SORBS3: variants seen among roughly 807,000 people sequenced by gnomAD.
SORBS3 encodes the protein vinexin.
A neutral mutation model predicts 98.0 loss-of-function variants in SORBS3; 69 were observed. The observed-to-expected ratio is 0.70, with a 90% CI of 0.58 to 0.86. The LOEUF is 0.86. SORBS3 is among the 40% of genes least tolerant of loss of function. SORBS3 has a pLI of 0.00. For synonymous variants in SORBS3, 394 were observed against 355.4 expected, an observed-to-expected ratio of 1.11 and a Z score of -1.22; for missense variants, 954 against 908.5, an observed-to-expected ratio of 1.05 and a Z score of -0.64.
intron 10 of SORBS3, chr8:22,564,776 A>G: frequency 2.9e-6 from 4 of 1,369,294 alleles, no homozygotes; most frequent in Non-Finnish European, 3.8e-6. Context: ...TGGGATTATC[A>G]GGAAATATTC....
intron 3 of SORBS3, among the ~76,000 whole-genome samples, chr8:22,556,206 G>A (rs1365270809): frequency 6.6e-6 from 1 of 152,216 alleles, no homozygotes; most frequent in East Asian, 1.9e-4. Flanking sequence ...TCTCGACTGT[G>A]TGCCAGGCAC....
At chr8:22,558,094 G>C (rs1411004604) in intron 4 of SORBS3, 35 bp from the exon 5 acceptor site, 1 of 1,608,526 alleles carries the variant, frequency 6.2e-7, no homozygotes, top group African/African-American at 1.3e-5. Context: ...GGGTGAATAA[G>C]CAGGGAGGAC....
At chr8:22,564,398 C>T (rs1184124760) in intron 9 of SORBS3, 29 bp downstream of exon 9, 16 of 1,612,518 alleles carry the variant, frequency 9.9e-6, no homozygotes, top group Non-Finnish European at 1.3e-5. Context: ...TCGGGGTGTG[C>T]ACGCACCCTC....
intron 20 of SORBS3, 38 bp downstream of exon 20, chr8:22,572,484 C>T: frequency 1.3e-6 from 2 of 1,503,258 alleles, no homozygotes; most frequent in Non-Finnish European, 1.9e-6. Context: ...CTCAGGGCCC[C>T]AGGGGATGTG....
At chr8:22,557,844 C>T (rs1032893169) in intron 4 of SORBS3, among the ~76,000 whole-genome samples, 2 of 152,114 alleles carry the variant, frequency 1.3e-5, no homozygotes, top group Admixed American at 1.3e-4. Flanking sequence ...TGTAGAAACA[C>T]TAGACATAAA....
At chr8:22,568,939 T>C (rs1418905217) in intron 16 of SORBS3, among the ~76,000 whole-genome samples, 1 of 152,252 alleles carries the variant, frequency 6.6e-6, no homozygotes, top group Non-Finnish European at 1.5e-5. Context: ...AAAATTCTTC[T>C]TCCAGGGAGC....
chr8:22,564,790 G>A, intron 10 of SORBS3: 1 of 1,359,810 alleles, frequency 7.4e-7, no homozygotes, highest in South Asian at 1.6e-5. Context: ...AATATTCTTG[G>A]AGGTGGAGCT....
At chr8:22,553,226 G>A (rs1363355809) in intron 1 of SORBS3, among the ~76,000 whole-genome samples, 1 of 152,054 alleles carries the variant, frequency 6.6e-6, no homozygotes, top group Non-Finnish European at 1.5e-5. Context: ...TCCCTCCGGT[G>A]GTCCCCCCAG....
In SORBS3 at chr8:22,567,104, G is replaced by T; in HGVS notation, c.1234G>T (p.Glu412Ter). 1 of 1,613,646 alleles carries T rather than the reference G, an allele frequency of 6.2e-7. No individual in the cohort carries two copies. Among genetic ancestry groups the T allele is most frequent in the Non-Finnish European group, 8.5e-7 (1 of 1,179,884 alleles). ...QKGDIVYIHK[E>*]VDKNWLEGEH... is the part of the protein sequence containing the mutation. ...GGGTGACATTGTCTACATCCACAAG[G>T]AGGTGGACAAGAACTGGCTGGAGGG... is the stretch of plus-strand genomic sequence containing the variant. The change falls in exon 16 of 21, where the codon GAG becomes TAG. Residue 412 changes from glutamate (E) to a stop codon, truncating the protein, a stop_gained. Transcript: ENST00000240123. LOFTEE classifies it high-confidence loss of function.
intron 20 of SORBS3, among the ~76,000 whole-genome samples, chr8:22,572,895 T>C (rs1228192513): frequency 5.3e-5 from 8 of 152,200 alleles, no homozygotes; most frequent in Non-Finnish European, 1.0e-4. Context: ...CAAGGGCAGC[T>C]CTGACCAAGG....
chr8:22,569,305 G>C, intron 17 of SORBS3, 32 bp downstream of exon 17: 1 of 1,550,616 alleles, frequency 6.4e-7, no homozygotes. Context: ...GGGGTGGGTG[G>C]GGGCAGGTGA....
chr8:22,555,867 A>C (rs1404952935), intron 3 of SORBS3, among the ~76,000 whole-genome samples: 1 of 152,176 alleles, frequency 6.6e-6, no homozygotes, highest in Non-Finnish European at 1.5e-5. Context: ...AAACAAAAAC[A>C]AAACAAAACC....
At position 22,566,365 on chromosome 8, in the gene SORBS3, C is replaced by T; in HGVS notation, c.971C>T (p.Ser324Phe). 1 of 1,613,834 alleles carries T rather than the reference C, an allele frequency of 6.2e-7. No homozygotes were observed. Among genetic ancestry groups the T allele is most frequent in the Admixed American group, 1.7e-5 (1 of 60,018 alleles). The change falls in exon 13 of 21, where the codon TCC (serine) becomes TTC (phenylalanine). Residue 324 changes from serine (S) to phenylalanine (F), a missense_variant. Ser to Phe is a radical substitution (Grantham distance 155). Coordinates refer to ENST00000240123, the MANE Select transcript of SORBS3 (RefSeq NM_005775.5). ...TGCAGCCCGGCCTCAGCCTGGAGCT[C>T]CAGCTACCCACATGCACCTTACCTG... ...PPAGPASAWS[S>F]SYPHAPYLGS... is the part of the protein sequence containing the mutation.
chr8:22,551,147 T>C (rs1840072909), upstream of SORBS3, among the ~76,000 whole-genome samples: 1 of 147,676 alleles, frequency 6.8e-6, no homozygotes, highest in African/African-American at 2.5e-5. This position sits in a 1 kb window ranked among gnomAD's most constrained non-coding sequence, Gnocchi z 5.8. Context: ...CCCACCCTTA[T>C]CCTCTTTAGG....
intron 20 of SORBS3, among the ~76,000 whole-genome samples, chr8:22,572,895 T>TC (rs1840627411): frequency 6.6e-6 from 1 of 152,200 alleles, no homozygotes; most frequent in Admixed American, 6.5e-5. Context: ...CAAGGGCAGC[T>TC]CTGACCAAGG....
At chr8:22,553,824 C>T (rs1198732399) in intron 1 of SORBS3, among the ~76,000 whole-genome samples, 1 of 151,738 alleles carries the variant, frequency 6.6e-6, no homozygotes, top group Non-Finnish European at 1.5e-5. Context: ...CCTCTGAGTC[C>T]TCATTCTGTG....
intron 1 of SORBS3, among the ~76,000 whole-genome samples, chr8:22,546,376 T>C (rs763416148): frequency 2.2e-4 from 34 of 152,184 alleles, no homozygotes; most frequent in Non-Finnish European, 2.8e-4. Context: ...TGATGTCTGG[T>C]CTGGTCTCTG....
At position 22,571,047 on chromosome 8, in the gene SORBS3, C is replaced by T. The variant is rs146729720; in HGVS notation, c.1569C>T (p.Asp523=). The part of the protein sequence containing the change: ...SREPRLRLCD[D]GPQLPTSPRL... ...AACCCCGGCTCCGGCTCTGTGACGACGGCCCCCAGCTCCCCACGTCTCCCC... is the reference window on the plus strand; with the variant it reads ...AACCCCGGCTCCGGCTCTGTGACGATGGCCCCCAGCTCCCCACGTCTCCCC... The change falls in exon 18 of 21, where the codon GAC becomes GAT. Residue 523 remains aspartate, a synonymous_variant. Coordinates refer to ENST00000240123, the MANE Select transcript of SORBS3 (RefSeq NM_005775.5). 4.5e-5 allele frequency: 72 copies of T among 1,613,216 alleles called. No homozygotes were observed. The African/African-American group carries it at 5.7e-4, about 13-fold the overall frequency.
chr8:22,569,551 G>C (rs1167324092), intron 17 of SORBS3, among the ~76,000 whole-genome samples: 2 of 152,126 alleles, frequency 1.3e-5, no homozygotes, highest in African/African-American at 2.4e-5. Flanking sequence ...TGTTGGCCAG[G>C]ATGGTCTCAG....
Sources: allele counts gnomAD v4.1 joint callset (sites outside exome capture counted in the v4.1 genomes callset), GRCh38; gene constraint gnomAD v4.1.1; non-coding constraint Gnocchi (gnomAD v3.1); transcripts MANE v1.5; gene names NCBI Gene and HGNC (gene_info 2026-07-23, HGNC 2026-07-21).